PPM1B: variants seen among roughly 807,000 people sequenced by gnomAD.
The protein encoded by PPM1B is protein phosphatase 1B.
A neutral mutation model predicts 43.0 loss-of-function variants in PPM1B; 22 were observed. That is an observed-to-expected ratio of 0.51 (90% CI 0.37 to 0.73). The LOEUF (loss-of-function observed/expected upper bound fraction) is 0.73. Among genes scored for constraint, PPM1B ranks in the 30% least tolerant of loss-of-function variants. The pLI is 0.00. For synonymous variants in PPM1B, 217 were observed against 197.9 expected (o/e 1.10, Z -0.81); for missense variants, 632 against 584.2 (o/e 1.08, Z -0.84).
At chr2:44,211,714 T>C (rs990333306) in intron 3 of PPM1B, among the ~76,000 whole-genome samples, 22 of 151,346 alleles carry the variant, frequency 1.5e-4, no homozygotes, top group African/African-American at 4.6e-4. Flanking sequence ...TGAAGAATGA[T>C]AGCCAACTGG....
rs1043685287 is a variant in PPM1B, at chr2:44,230,805, T to C, written c.*87T>C. 114 of 1,501,410 alleles carry C rather than the reference T, an allele frequency of 7.6e-5. No homozygotes were observed. Among genetic ancestry groups the C allele is most frequent in the Non-Finnish European group, 9.0e-5 (101 of 1,126,446 alleles). 93.0% of individuals were successfully genotyped at this position (1,501,410 alleles called of 1,614,324 possible). A position where few individuals can be genotyped will look rare whatever the true frequency, so the allele number is the denominator to read the frequency against. On this transcript the variant is annotated 3_prime_UTR_variant, in exon 6 of 6. Transcript: ENST00000282412. ...ATGCATTTATATAACTGTTTTGTTA[T>C]TTGAATCTTGGAAAACTAGTTTTAT... is the stretch of plus-strand genomic sequence containing the variant.
rs1357109829 is a variant in PPM1B at position 44,202,186 on chromosome 2, A to G, written c.846+141A>G. On this transcript the variant is annotated intron_variant, in intron 2 of 5. Transcript: ENST00000282412. ...TTTGAAGTACTTTACCAGAAATGAA[A>G]CCATTGTTTTCTTTGCCATCCTTGT... is the stretch of plus-strand genomic sequence containing the variant. 5 of 856,100 alleles carry G rather than the reference A, an allele frequency of 5.8e-6. No homozygotes were observed. In the East Asian group the frequency reaches 8.9e-5, roughly 15 times the overall value. The allele number at this position is 856,100 out of a possible 1,614,324, so 53.0% of individuals were successfully genotyped here.
intron 1 of PPM1B, among the ~76,000 whole-genome samples, chr2:44,179,870 G>A (rs564374887): frequency 9.2e-5 from 14 of 152,104 alleles, no homozygotes; most frequent in South Asian, 8.3e-4. Context: ...TTAGCCAGGT[G>A]TGGTGGTGGG....
chr2:44,232,647 T>A, downstream of PPM1B: 2 of 1,192,234 alleles, frequency 1.7e-6, no homozygotes, highest in Non-Finnish European at 2.1e-6. Context: ...ACAATGTGCC[T>A]GAGGTGCATG....
chr2:44,181,384 C>G (rs929812711), intron 1 of PPM1B, among the ~76,000 whole-genome samples: 1 of 152,106 alleles, frequency 6.6e-6, no homozygotes, highest in Admixed American at 6.6e-5. Flanking sequence ...AGAGAAGGTT[C>G]TTGATAAGGG....
At chr2:44,203,689 A>G (rs751275114) in intron 2 of PPM1B, among the ~76,000 whole-genome samples, 2 of 152,128 alleles carry the variant, frequency 1.3e-5, no homozygotes, top group African/African-American at 2.4e-5. Context: ...TTCCAACAAT[A>G]TATTGTAGAG....
intron 5 of PPM1B, among the ~76,000 whole-genome samples, chr2:44,220,144 C>G (rs1669907028): frequency 6.6e-6 from 1 of 151,908 alleles, no homozygotes; most frequent in Admixed American, 6.6e-5. Context: ...CATCCACTAC[C>G]TTGATTAGAG....
At chr2:44,232,091 A>T (rs17032055), downstream of PPM1B, among the ~76,000 whole-genome samples, 12 of 152,276 alleles carry the variant, frequency 7.9e-5, no homozygotes, top group South Asian at 2.5e-3. Context: ...AAAGGAAGGC[A>T]TTTGATGGAG....
At chr2:44,199,258 A>G (rs960634418) in intron 1 of PPM1B, among the ~76,000 whole-genome samples, 14 of 141,044 alleles carry the variant, frequency 9.9e-5, no homozygotes, top group African/African-American at 3.7e-4. Flanking sequence ...ATTCCATCTC[A>G]AAAAAAAAAA....
chr2:44,238,621 G>A (rs1315272269), downstream of PPM1B, among the ~76,000 whole-genome samples: 1 of 151,962 alleles, frequency 6.6e-6, no homozygotes, highest in Admixed American at 6.6e-5. Context: ...AAAATCTCTT[G>A]AACCTGGGAG....
intron 5 of PPM1B, among the ~76,000 whole-genome samples, chr2:44,226,901 A>G (rs1385888803): frequency 1.4e-5 from 2 of 147,624 alleles, no homozygotes; most frequent in Non-Finnish European, 3.0e-5. Context: ...TTCCATCTCA[A>G]CCCTTCCTGA....
chr2:44,189,913 CT>C (rs1267485121), intron 1 of PPM1B, among the ~76,000 whole-genome samples: 2 of 151,966 alleles, frequency 1.3e-5, no homozygotes, highest in Non-Finnish European at 2.9e-5. Context: ...AAAATTTTTC[CT>C]TTACTAACAT....
At chr2:44,243,057 C>T (rs913807597) in intron 5 of PPM1B, among the ~76,000 whole-genome samples, 2 of 151,982 alleles carry the variant, frequency 1.3e-5, no homozygotes, top group South Asian at 2.1e-4. Flanking sequence ...ATAGGGATTT[C>T]CCCCCCAAAA....
intron 5 of PPM1B, among the ~76,000 whole-genome samples, chr2:44,221,854 T>G (rs1416632887): frequency 6.6e-6 from 1 of 152,132 alleles, no homozygotes; most frequent in Non-Finnish European, 1.5e-5. Flanking sequence ...TTCAGAAAGG[T>G]TACTATTTAG....
At chr2:44,234,855 TC>T (rs1432426532), downstream of PPM1B, among the ~76,000 whole-genome samples, 1 of 152,214 alleles carries the variant, frequency 6.6e-6, no homozygotes, top group Non-Finnish European at 1.5e-5. Context: ...AAAATAATTG[TC>T]TTATAAGTTA....
At chr2:44,228,478 G>C (rs937166909) in intron 5 of PPM1B, among the ~76,000 whole-genome samples, 2 of 151,826 alleles carry the variant, frequency 1.3e-5, no homozygotes, top group Non-Finnish European at 1.5e-5. Flanking sequence ...GGCCAATGAG[G>C]GCAACTTTTT....
intron 4 of PPM1B, 109 bp downstream of exon 4, chr2:44,218,187 G>A: frequency 1.2e-6 from 1 of 816,358 alleles, no homozygotes; most frequent in East Asian, 2.6e-5. Flanking sequence ...AGGTGAAATG[G>A]GTTAGTGTTT....
intron 5 of PPM1B, among the ~76,000 whole-genome samples, chr2:44,228,088 A>G (rs369708716): frequency 1.3e-5 from 2 of 149,244 alleles, no homozygotes; most frequent in South Asian, 4.3e-4. Flanking sequence ...GCGTGCTGCT[A>G]ATTTTTTGTA....
At chr2:44,233,219 A>G (rs1670518669), downstream of PPM1B, 1 of 910,344 alleles carries the variant, frequency 1.1e-6, no homozygotes, top group South Asian at 5.1e-5. Context: ...ATTTTTAATC[A>G]TTTATGTTAT....
Sources: gnomAD v4.1 joint callset for allele counts (sites outside exome capture counted in the v4.1 genomes callset) on GRCh38, gnomAD v4.1.1 for gene constraint, MANE v1.5 for transcripts, NCBI Gene and HGNC (gene_info 2026-07-23, HGNC 2026-07-21) for gene names.